The following TMEM87A variants were observed in gnomAD, a reference collection of about 807,000 sequenced individuals.
TMEM87A encodes the protein transmembrane protein 87A.
In TMEM87A, 50 loss-of-function variants were observed where a neutral mutation model predicts 90.0. The ratio of observed to expected loss-of-function variants is 0.56; its 90% CI spans 0.44 to 0.70. The LOEUF (loss-of-function observed/expected upper bound fraction) is 0.70. Among genes scored for constraint, TMEM87A ranks in the 30% least tolerant of loss-of-function variants. TMEM87A has a pLI of 0.00. For missense variants in TMEM87A, 577 were observed against 660.5 expected (o/e 0.87, Z 1.39); for synonymous variants, 226 against 226.7 (o/e 1.00, Z 0.03).
At chr15:42,243,806 C>T (rs1308398869) in intron 7 of TMEM87A, among the ~76,000 whole-genome samples, 1 of 152,082 alleles carries the variant, frequency 6.6e-6, no homozygotes, top group Admixed American at 6.5e-5. Context: ...AGGCATGAGC[C>T]ACCGCGCCCG....
chr15:42,263,645 G>C lies in TMEM87A; in HGVS notation c.405+445C>G, dbSNP rs536266137. Among the ~76,000 whole-genome samples the C allele has an allele frequency of 2.6e-5, 4 of 152,300 alleles. No homozygotes were observed. In the East Asian group the frequency reaches 7.7e-4, roughly 29 times the overall value. ...AATCTGTAGCCCTAGCCACTTGGGA[G>C]GCTGAGGTGAAAGAATTGCTTAGAT... On this transcript the variant is annotated intron_variant, in intron 4 of 19. Coordinates refer to ENST00000389834, the MANE Select transcript of TMEM87A (RefSeq NM_015497.5).
intron 6 of TMEM87A, among the ~76,000 whole-genome samples, chr15:42,253,078 A>T (rs1483542430): frequency 6.6e-6 from 1 of 152,186 alleles, no homozygotes; most frequent in Admixed American, 6.5e-5. Flanking sequence ...TGTTTTGACA[A>T]AGATTTCTTA....
chr15:42,229,215 GCTGGT>G (rs2050646784), intron 12 of TMEM87A, among the ~76,000 whole-genome samples: 2 of 151,978 alleles, frequency 1.3e-5, no homozygotes, highest in African/African-American at 4.8e-5. Context: ...TGTTGCTCAG[GCTGGT>G]CTTAAACTCC....
At position 42,237,546 on chromosome 15, in the gene TMEM87A, A is replaced by G; in HGVS notation, c.754T>C (p.Trp252Arg). 1.2e-6 allele frequency: 2 copies of G among 1,614,196 alleles called. No individual in the cohort carries two copies. The highest frequency in any genetic ancestry group is 1.7e-6 in the Non-Finnish European group (2 of 1,180,032). ...AACTGAATTCTCAGGAGATCTCTCC[A>G]GTAGCAGGCAGACCATGCCAGCCAC... ...VLWLAWSACY[W>R]RDLLRIQFWI... is the part of the protein sequence containing the mutation. The change falls in exon 9 of 20, where the codon TGG (tryptophan) becomes CGG (arginine). Residue 252 changes from tryptophan (W) to arginine (R), a missense_variant. Coordinates refer to ENST00000389834, the MANE Select transcript of TMEM87A (RefSeq NM_015497.5).
chr15:42,232,523 G>A (rs533919951), intron 11 of TMEM87A, among the ~76,000 whole-genome samples: 25 of 152,118 alleles, frequency 1.6e-4, no homozygotes, highest in African/African-American at 6.0e-4. Flanking sequence ...GCCCAGGCTG[G>A]AGTGCAGTGG....
chr15:42,220,591 T>C (rs2050460519), intron 15 of TMEM87A, among the ~76,000 whole-genome samples: 1 of 151,550 alleles, frequency 6.6e-6, no homozygotes, highest in Non-Finnish European at 1.5e-5. Context: ...ATCGCAGCCT[T>C]CAAATTGGGA....
At chr15:42,232,746 T>C (rs1262097397) in intron 11 of TMEM87A, 1 of 152,408 alleles carries the variant, frequency 6.6e-6, no homozygotes, top group Non-Finnish European at 1.5e-5. Context: ...CCTCCCAAAA[T>C]GCTGGGATTA....
intron 15 of TMEM87A, chr15:42,226,475 G>A (rs983940693): frequency 1.8e-5 from 5 of 273,958 alleles, no homozygotes; most frequent in Admixed American, 9.5e-5. Flanking sequence ...CTGCTTTATC[G>A]TGATGGTCTG....
At chr15:42,255,778 T>G (rs1039115625) in intron 6 of TMEM87A, among the ~76,000 whole-genome samples, 1 of 151,582 alleles carries the variant, frequency 6.6e-6, no homozygotes, top group Non-Finnish European at 1.5e-5. Flanking sequence ...GATTTTTGTT[T>G]TTTTTTTTTT....
Position 42,260,981 on chromosome 15 carries a change from G to C in TMEM87A, c.481C>G (p.Leu161Val). 2 of 1,607,582 alleles carry C rather than the reference G, an allele frequency of 1.2e-6. No homozygotes were observed. Among genetic ancestry groups the C allele is most frequent in the Non-Finnish European group, 1.7e-6 (2 of 1,177,586 alleles). The change falls in exon 6 of 20, where the codon CTT becomes GTT. Residue 161 changes from leucine (L) to valine (V), a missense_variant. By Grantham distance (32) the Leu-to-Val change is conservative. Coordinates refer to ENST00000389834, the MANE Select transcript of TMEM87A (RefSeq NM_015497.5). ...KQEAKENGTN[L>V]TFIGDKTAMH... ...ACGGTTTTGTCTCCAATAAAGGTAAGGTTTGTTCCATTCTCCTTAGCCTTT... is the reference window on the plus strand; with the variant it reads ...ACGGTTTTGTCTCCAATAAAGGTAACGTTTGTTCCATTCTCCTTAGCCTTT...
chr15:42,266,199 T>C (rs935245797), intron 3 of TMEM87A, among the ~76,000 whole-genome samples: 1 of 152,244 alleles, frequency 6.6e-6, no homozygotes, highest in Non-Finnish European at 1.5e-5. Context: ...TTCTCAAAAG[T>C]GTGGCCGTTG....
At chr15:42,251,958 T>C (rs1404906434) in intron 6 of TMEM87A, among the ~76,000 whole-genome samples, 1 of 152,252 alleles carries the variant, frequency 6.6e-6, no homozygotes, top group Non-Finnish European at 1.5e-5. Flanking sequence ...GCAATGGCGA[T>C]GCCCCTTCCC....
rs150803891 is a variant in TMEM87A at position 42,212,536 on chromosome 15, G to A, written c.1627-787C>T. On this transcript the variant is annotated intron_variant, in intron 19 of 19. Transcript: ENST00000389834. ...ACCTGAGAATTTCTTACATCATACT[G>A]GGAATTTTTCTTGTCTCTGTGTTGG... Among the ~76,000 whole-genome samples the A allele has an allele frequency of 8.5e-5, 13 of 152,150 alleles. No homozygotes were observed. In the East Asian group the frequency reaches 1.9e-3, roughly 23 times the overall value.
intron 1 of TMEM87A, 109 bp from the exon 2 acceptor site, chr15:42,272,232 G>T: frequency 1.4e-6 from 1 of 711,254 alleles, no homozygotes; most frequent in South Asian, 2.0e-5. Context: ...ATCTTTATGG[G>T]ACGTACCCCT....
intron 6 of TMEM87A, among the ~76,000 whole-genome samples, chr15:42,252,954 A>AC (rs1203476415): frequency 1.8e-4 from 27 of 152,294 alleles, no homozygotes; most frequent in African/African-American, 6.3e-4. Flanking sequence ...TAATAATAAT[A>AC]TGGGTTATGT....
intron 7 of TMEM87A, among the ~76,000 whole-genome samples, chr15:42,240,393 A>G (rs1359017195): frequency 1.3e-5 from 2 of 152,206 alleles, no homozygotes; most frequent in East Asian, 3.8e-4. Flanking sequence ...CAAAATAAAA[A>G]TAACTCAAAA....
In TMEM87A at chr15:42,220,109, T is replaced by G. The variant is rs1566922043; in HGVS notation, c.1430A>C (p.Glu477Ala). Residue 477 changes from glutamate to alanine, a missense_variant, in exon 16 of 20, where the codon GAA becomes GCA. Transcript: ENST00000389834. ...CTCCTTTTGTTCATCCTCCTCCTCTTCCTCAGACAATGGTGAAAAGGCAAA... is the reference window on the plus strand; with the variant it reads ...CTCCTTTTGTTCATCCTCCTCCTCTGCCTCAGACAATGGTGAAAAGGCAAA... ...QRFAFSPLSE[E>A]EEEDEQKEPM... 6.2e-7 allele frequency: 1 copy of G among 1,607,668 alleles called. No homozygotes were observed.
intron 16 of TMEM87A, 64 bp from the exon 17 acceptor site, chr15:42,219,706 G>T: frequency 1.8e-6 from 2 of 1,119,966 alleles, no homozygotes; most frequent in Admixed American, 2.9e-5. Context: ...TTGGCAAAAC[G>T]GATTCAGAAC....
At chr15:42,224,390 A>G (rs2050551866) in intron 15 of TMEM87A, 1 of 152,264 alleles carries the variant, frequency 6.6e-6, no homozygotes, top group Non-Finnish European at 1.5e-5. Flanking sequence ...AGTGCTGAAC[A>G]TTAATGGGCT....
Sources: gnomAD v4.1 joint callset for allele counts (sites outside exome capture counted in the v4.1 genomes callset) on GRCh38, gnomAD v4.1.1 for gene constraint, MANE v1.5 for transcripts, NCBI Gene and HGNC (gene_info 2026-07-23, HGNC 2026-07-21) for gene names.